The following MROH7 variants were observed in gnomAD, a reference collection of about 807,000 sequenced individuals.
The protein encoded by MROH7 is maestro heat like repeat family member 7.
A neutral mutation model predicts 129.2 loss-of-function variants in MROH7; 113 were observed. That is an observed-to-expected ratio of 0.87 (90% CI 0.75 to 1.02). The LOEUF (loss-of-function observed/expected upper bound fraction) is 1.02. Ranked by LOEUF, MROH7 falls within the 50% of genes least tolerant of loss-of-function variation. MROH7 has a pLI of 0.00. For missense variants in MROH7, 1,601 were observed against 1,671.3 expected, an observed-to-expected ratio of 0.96 and a Z score of 0.73; for synonymous variants, 655 against 667.9, an observed-to-expected ratio of 0.98 and a Z score of 0.30.
chr1:54,704,047 C>G (rs753595877), intron 21 of MROH7, among the ~76,000 whole-genome samples: 1 of 152,160 alleles, frequency 6.6e-6, no homozygotes, highest in Admixed American at 6.5e-5. Flanking sequence ...GAAGGGACAT[C>G]TGAGTGGGGA....
At position 54,703,790 on chromosome 1, in the gene MROH7, A is replaced by G. The variant is rs1645477629; in HGVS notation, c.3564+1045A>G. ...ATATGAGGGAGTGCCCCTGGGACCA[A>G]TACCCATGGAAGGGAGCGGAAGAAA... On this transcript the variant is annotated intron_variant, in intron 21 of 23. Transcript: ENST00000421030. The surrounding 1 kb of genome is among the most constrained non-coding windows in gnomAD (Gnocchi z 4.4). Among the ~76,000 whole-genome samples the G allele has an allele frequency of 6.6e-6, 1 of 152,148 alleles. No homozygotes were observed. Among genetic ancestry groups the G allele is most frequent in the Non-Finnish European group, 1.5e-5 (1 of 68,006 alleles).
Position 54,673,760 on chromosome 1 carries a change from C to T in MROH7, c.1755C>T (p.Thr585=), listed in dbSNP as rs192493573. 1.9e-6 allele frequency: 3 copies of T among 1,614,164 alleles called. No homozygotes were observed. In the East Asian group the frequency reaches 6.7e-5, roughly 36 times the overall value. Residue 585 remains threonine (T), a synonymous_variant, in exon 9 of 24, where the codon ACC becomes ACT. Coordinates refer to ENST00000421030, the MANE Select transcript of MROH7 (RefSeq NM_001039464.4). The part of the protein sequence containing the change: ...KAHERARAVN[T]NVSVLNHMLL... ...ATGAGCGAGCACGGGCTGTGAACAC[C>T]AATGTCTCTGTGTTGAACCACATGC...
chr1:54,678,791 C>A lies in MROH7; in HGVS notation c.1986C>A (p.Asn662Lys). ...ACAAAAAGGAGCTATATGAGAGCAA[C>A]AAGCATTTCCTGGGGCCCTACAACC... ...ETNKKELYES[N>K]KHFLGPYNPV... The change falls in exon 11 of 24, where the codon AAC becomes AAA. Residue 662 changes from asparagine to lysine, a missense_variant. Physicochemically the swap from Asn to Lys is moderately conservative, Grantham distance 94. Transcript: ENST00000421030. 1.2e-6 allele frequency: 2 copies of A among 1,614,094 alleles called. No homozygotes were observed. The highest frequency in any genetic ancestry group is 1.7e-6 in the Non-Finnish European group (2 of 1,180,016).
rs1352054394 is a variant in MROH7, at chr1:54,670,880, C to T, written c.1550C>T (p.Ser517Phe). ...GTGCACAGCGTGTTCTCCCTGCCCT[C>T]CGTGCAGGCGATGCAGGAGAAGGAC... ...VCVHSVFSLP[S>F]VQAMQEKDEA... The change falls in exon 7 of 24, where the codon TCC becomes TTC. Residue 517 changes from serine to phenylalanine, a missense_variant. Transcript: ENST00000421030. The T allele has an allele frequency of 4.3e-6, 7 of 1,612,610 alleles. No homozygotes were observed. Among genetic ancestry groups the T allele is most frequent in the Admixed American group, 1.7e-5 (1 of 59,834 alleles).
chr1:54,697,698 A>C, intron 17 of MROH7: 1 of 703,298 alleles, frequency 1.4e-6, no homozygotes, highest in East Asian at 2.7e-5. Context: ...TAGGTGAGTT[A>C]AGGGGAATTT....
chr1:54,662,295 G>A (rs919302604), intron 3 of MROH7, among the ~76,000 whole-genome samples: 7 of 152,070 alleles, frequency 4.6e-5, no homozygotes, highest in Non-Finnish European at 1.0e-4. Context: ...CAGCACTTTT[G>A]GAGGCCGAGG....
chr1:54,695,864 T>C (rs1455537700), intron 17 of MROH7: 4 of 343,050 alleles, frequency 1.2e-5, no homozygotes, highest in Non-Finnish European at 2.3e-5. Context: ...CAGTGAGTGA[T>C]TTGTACTATG....
chr1:54,699,039 C>T (rs1645368733), intron 17 of MROH7: 1 of 151,946 alleles, frequency 6.6e-6, no homozygotes, highest in Non-Finnish European at 1.5e-5. Context: ...GGTGATTTAT[C>T]CACCTCAGTC....
At chr1:54,657,493 C>T (rs1644667833) in intron 3 of MROH7, among the ~76,000 whole-genome samples, 1 of 152,084 alleles carries the variant, frequency 6.6e-6, no homozygotes, top group Admixed American at 6.6e-5. Context: ...ATTCTTTCAC[C>T]TCAGCCTCCC....
At chr1:54,680,529 C>T (rs1216229350) in intron 13 of MROH7, among the ~76,000 whole-genome samples, 1 of 152,214 alleles carries the variant, frequency 6.6e-6, no homozygotes, top group African/African-American at 2.4e-5. Flanking sequence ...GGTGGGTGGT[C>T]ATGACAGTAA....
At chr1:54,677,984 G>C (rs1008402081) in intron 10 of MROH7, among the ~76,000 whole-genome samples, 66 of 152,184 alleles carry the variant, frequency 4.3e-4, no homozygotes, top group African/African-American at 1.5e-3. Context: ...ACCAGGGGTA[G>C]GGGATTGCAG....
At position 54,708,886 on chromosome 1, in the gene MROH7, T is replaced by C. The variant is rs1304703679; in HGVS notation, c.3668-128T>C. 21 of 813,300 alleles carry C rather than the reference T, an allele frequency of 2.6e-5. No individual in the cohort carries two copies. The Admixed American group carries it at 3.4e-4, about 13-fold the overall frequency. 50.4% of individuals were successfully genotyped at this position (813,300 alleles called of 1,614,324 possible). Reference sequence around the variant, plus strand: ...TCTGTCCCAGGGTCCAAATGAAGTTTTGTGTTCTCATGTGTGGGGCTGGAG... The same window carrying C: ...TCTGTCCCAGGGTCCAAATGAAGTTCTGTGTTCTCATGTGTGGGGCTGGAG... On this transcript the variant is annotated intron_variant, in intron 22 of 23. Transcript: ENST00000421030.
intron 10 of MROH7, among the ~76,000 whole-genome samples, chr1:54,677,718 G>T (rs1170373444): frequency 6.6e-6 from 1 of 152,154 alleles, no homozygotes; most frequent in African/African-American, 2.4e-5. Context: ...TAGGACCCAA[G>T]GTGGGCTGAA....
intron 1 of MROH7, among the ~76,000 whole-genome samples, chr1:54,648,308 T>G (rs1644500803): frequency 6.6e-6 from 1 of 152,020 alleles, no homozygotes; most frequent in Non-Finnish European, 1.5e-5. Flanking sequence ...TATTTATCCT[T>G]ATGTCAGTAC....
intron 20 of MROH7, 111 bp from the exon 21 acceptor site, chr1:54,702,512 G>A: frequency 9.2e-7 from 1 of 1,090,050 alleles, no homozygotes; most frequent in Non-Finnish European, 1.3e-6. Flanking sequence ...ATTAAAAATG[G>A]TCAGCTTCAC....
At chr1:54,692,378 C>G in intron 15 of MROH7, 46 bp from the exon 16 acceptor site, 2 of 1,605,758 alleles carry the variant, frequency 1.2e-6, no homozygotes, top group Non-Finnish European at 1.7e-6. Flanking sequence ...GCTTGGCCTG[C>G]TAGGGCCCAG....
At chr1:54,670,656 ACCCTCC>A in intron 6 of MROH7, 80 bp downstream of exon 6, 9 of 1,394,486 alleles carry the variant, frequency 6.5e-6, no homozygotes, top group Non-Finnish European at 7.9e-6. Context: ...TCTTCGCTGT[ACCCTCC>A]CCCAACCCGC....
chr1:54,670,053 G>A (rs1237257075), intron 5 of MROH7, among the ~76,000 whole-genome samples: 1 of 141,648 alleles, frequency 7.1e-6, no homozygotes, highest in African/African-American at 2.6e-5. Flanking sequence ...CCAACATCAT[G>A]AGGTCTCATC....
At chr1:54,685,410 G>C (rs1027246860) in intron 14 of MROH7, among the ~76,000 whole-genome samples, 1 of 152,222 alleles carries the variant, frequency 6.6e-6, no homozygotes, top group Non-Finnish European at 1.5e-5. Flanking sequence ...CACTCCTGTG[G>C]GGCTGGCCGG....
Sources: allele counts gnomAD v4.1 joint callset (sites outside exome capture counted in the v4.1 genomes callset), GRCh38; gene constraint gnomAD v4.1.1; non-coding constraint Gnocchi (gnomAD v3.1); transcripts MANE v1.5; gene names NCBI Gene and HGNC (gene_info 2026-07-23, HGNC 2026-07-21).